The following KSR1 variants were observed in gnomAD, a reference collection of about 807,000 sequenced individuals.
The protein encoded by KSR1 is kinase suppressor of ras.
KSR1 carries 35 observed loss-of-function variants against 92.9 expected under a neutral mutation model. The observed-to-expected ratio is 0.38, with a 90% CI of 0.29 to 0.50. KSR1 has a LOEUF of 0.50. Among genes scored for constraint, KSR1 ranks in the 20% least tolerant of loss-of-function variants. The probability of loss-of-function intolerance (pLI) is 0.94; values close to 1 mark genes in which losing one functional copy is unlikely to be tolerated. For missense variants in KSR1, 972 were observed against 1,158.5 expected (o/e 0.84, Z 2.34); for synonymous variants, 467 against 472.6 (o/e 0.99, Z 0.15).
chr17:27,604,868 T>C, intron 13 of KSR1, 140 bp downstream of exon 13: 1 of 809,900 alleles, frequency 1.2e-6, no homozygotes, highest in Non-Finnish European at 2.1e-6. Context: ...CAGAGGTGCA[T>C]GTCAGGGAAG....
At chr17:27,491,442 G>C (rs2068828717) in intron 1 of KSR1, among the ~76,000 whole-genome samples, 1 of 151,696 alleles carries the variant, frequency 6.6e-6, no homozygotes, top group Non-Finnish European at 1.5e-5. Context: ...CTTGTGTCTT[G>C]GCCTCCCAAA....
chr17:27,462,054 G>A (rs2019476172), intron 1 of KSR1, among the ~76,000 whole-genome samples: 1 of 152,180 alleles, frequency 6.6e-6, no homozygotes, highest in African/African-American at 2.4e-5. Flanking sequence ...AGCTGCATAG[G>A]TGCCTTTGGG....
intron 2 of KSR1, among the ~76,000 whole-genome samples, chr17:27,571,521 G>A (rs1245111943): frequency 6.6e-6 from 1 of 152,202 alleles, no homozygotes; most frequent in Non-Finnish European, 1.5e-5. Flanking sequence ...GATGTGCAGG[G>A]TCCTATGTCA....
chr17:27,470,914 A>G (rs542178547), intron 1 of KSR1, among the ~76,000 whole-genome samples: 1 of 151,436 alleles, frequency 6.6e-6, no homozygotes, highest in African/African-American at 2.4e-5. Flanking sequence ...CCTGTCCCCC[A>G]GGCTGGAGTG....
At chr17:27,531,369 G>T (rs1446166938) in intron 1 of KSR1, among the ~76,000 whole-genome samples, 3 of 152,266 alleles carry the variant, frequency 2.0e-5, no homozygotes, top group Non-Finnish European at 2.9e-5. Flanking sequence ...AGGTGACGGG[G>T]AGGCCACGCC....
At chr17:27,536,622 G>A (rs1300644099) in intron 1 of KSR1, among the ~76,000 whole-genome samples, 1 of 152,236 alleles carries the variant, frequency 6.6e-6, no homozygotes, top group Non-Finnish European at 1.5e-5. Context: ...GAGTGCAGAT[G>A]CCTGAGTGTG....
chr17:27,593,006 C>T (rs2073219643), intron 9 of KSR1, among the ~76,000 whole-genome samples: 1 of 152,230 alleles, frequency 6.6e-6, no homozygotes, highest in African/African-American at 2.4e-5. Flanking sequence ...GTGGTAGCCT[C>T]GGCAGCTGCC....
intron 16 of KSR1, chr17:27,609,708 A>G (rs929780963): frequency 3.0e-6 from 1 of 338,544 alleles, no homozygotes; most frequent in Non-Finnish European, 5.4e-6. Flanking sequence ...GGAGCATGGC[A>G]GCAAGGCTGC....
intron 1 of KSR1, among the ~76,000 whole-genome samples, chr17:27,542,983 T>A (rs1353167246): frequency 2.0e-5 from 3 of 152,174 alleles, no homozygotes; most frequent in African/African-American, 7.2e-5. Context: ...ATGGGACCAC[T>A]AACTAATGGT....
chr17:27,512,927 A>G (rs2948546), intron 1 of KSR1, among the ~76,000 whole-genome samples: 38,227 of 152,126 alleles, frequency 0.25, 5,019 homozygotes, highest in Admixed American at 0.35. Flanking sequence ...GAACCCTGCC[A>G]GCGCCCCCGG....
Position 27,604,748 on chromosome 17 carries a change from G to T in KSR1, c.1614+20G>T, listed in dbSNP as rs775800869. 1 of 1,613,048 alleles carries T rather than the reference G, an allele frequency of 6.2e-7. No individual in the cohort carries two copies. Among genetic ancestry groups the T allele is most frequent in the South Asian group, 1.1e-5 (1 of 91,064 alleles). ...GCGGAGGTGAGGGTGACACACACGT[G>T]TCCACAGATGGCCCCCCCTCTTTTT... On this transcript the variant is annotated intron_variant, in intron 13 of 20. Transcript: ENST00000644974.
intron 13 of KSR1, 45 bp downstream of exon 13, chr17:27,604,773 T>C (rs1414635602): frequency 6.2e-7 from 1 of 1,600,690 alleles, no homozygotes; most frequent in South Asian, 1.1e-5. Flanking sequence ...CCCCTCTTTT[T>C]TCCCTTCCCC....
chr17:27,602,088 A>G (rs2073583849), intron 11 of KSR1: 2 of 641,248 alleles, frequency 3.1e-6, no homozygotes, highest in Non-Finnish European at 5.5e-6. Context: ...GATGAGCATA[A>G]TGGTGTTTAA....
At chr17:27,531,868 A>G (rs1246076705) in intron 1 of KSR1, among the ~76,000 whole-genome samples, 1 of 152,180 alleles carries the variant, frequency 6.6e-6, no homozygotes, top group African/African-American at 2.4e-5. Flanking sequence ...AGCATTTTAT[A>G]CACTTCTCAA....
At chr17:27,501,793 C>T (rs1173768530) in intron 1 of KSR1, among the ~76,000 whole-genome samples, 3 of 152,366 alleles carry the variant, frequency 2.0e-5, no homozygotes, top group Middle Eastern at 3.4e-3. Context: ...GCCGCTGCAC[C>T]CAGCTTGTTA....
chr17:27,518,528 C>G (rs1322194440), intron 1 of KSR1, among the ~76,000 whole-genome samples: 1 of 152,194 alleles, frequency 6.6e-6, no homozygotes, highest in Non-Finnish European at 1.5e-5. Flanking sequence ...ACCCAGTGCC[C>G]ATTCATCATC....
chr17:27,588,941 C>T (rs1390662670), intron 6 of KSR1, among the ~76,000 whole-genome samples: 1 of 152,202 alleles, frequency 6.6e-6, no homozygotes, highest in Non-Finnish European at 1.5e-5. Flanking sequence ...GATTCCCGGG[C>T]TCCACCCCTA....
At chr17:27,589,632 G>T (rs1342653323) in intron 6 of KSR1, among the ~76,000 whole-genome samples, 1 of 152,048 alleles carries the variant, frequency 6.6e-6, no homozygotes. Context: ...TGTGATATAC[G>T]TTAAAAAAAA....
At chr17:27,560,503 CG>C (rs1360269983) in intron 2 of KSR1, 4 of 518,586 alleles carry the variant, frequency 7.7e-6, no homozygotes, top group Non-Finnish European at 1.5e-5. Context: ...TTTCTCTTTC[CG>C]CTCTCCTCTA....
Sources: allele counts gnomAD v4.1 joint callset (sites outside exome capture counted in the v4.1 genomes callset), GRCh38; gene constraint gnomAD v4.1.1; transcripts MANE v1.5; gene names NCBI Gene and HGNC (gene_info 2026-07-23, HGNC 2026-07-21).